The following LIPC variants were observed in gnomAD, a reference collection of about 807,000 sequenced individuals.
LIPC encodes lipase C, hepatic type.
In LIPC, 44 loss-of-function variants were observed where a neutral mutation model predicts 50.7. The ratio of observed to expected loss-of-function variants is 0.87; its 90% confidence interval spans 0.68 to 1.11. LIPC has a LOEUF of 1.11. LIPC is among the 50% of genes most tolerant of loss of function. The pLI is 0.00. For synonymous variants in LIPC, 271 were observed against 256.4 expected (o/e 1.06, Z -0.54); for missense variants, 697 against 648.2 (o/e 1.08, Z -0.82).
chr15:58,433,165 C>G (rs1355445798), intron 1 of LIPC, among the ~76,000 whole-genome samples: 7 of 152,096 alleles, frequency 4.6e-5, no homozygotes, highest in Non-Finnish European at 7.4e-5. Context: ...CAAAAATGAC[C>G]CTTACATAAT....
rs1894342527 is a variant in LIPC, at chr15:58,461,364, C to T, written c.88+29244C>T. 2.6e-5 allele frequency among the ~76,000 whole-genome samples: 4 copies of T among 152,132 alleles called. No individual in the cohort carries two copies. The South Asian group carries it at 8.3e-4, about 32-fold the overall frequency. ...TTGCCCAAAGTCACAAAGCTGGCAA[C>T]TCCCAGAGCCAGGATTTGAACACAG... On this transcript the variant is annotated intron_variant, in intron 1 of 8. Coordinates refer to ENST00000299022, the MANE Select transcript of LIPC (RefSeq NM_000236.3).
intron 6 of LIPC, among the ~76,000 whole-genome samples, chr15:58,554,792 T>C (rs1181755005): frequency 2.0e-5 from 3 of 152,172 alleles, no homozygotes; most frequent in African/African-American, 7.2e-5. Flanking sequence ...CAGGAACCAG[T>C]TCTCAGCCTG....
rs956939187 is a variant in LIPC at position 58,489,152 on chromosome 15, G to A, written c.89-49181G>A. Among the ~76,000 whole-genome samples the A allele has an allele frequency of 6.4e-5, 9 of 140,812 alleles. No homozygotes were observed. In the East Asian group the frequency reaches 1.8e-3, roughly 28 times the overall value. The allele number at this position is 140,812 out of a possible 152,430, so 92.4% of individuals were successfully genotyped here. A position where few individuals can be genotyped will look rare whatever the true frequency, so the allele number is the denominator to read the frequency against. ...GGTAGTATTTGAATAGCACCAGAAA[G>A]TTTCACCTCTCCAAAGCATCTTTCT... On this transcript the variant is annotated intron_variant, in intron 1 of 8. Coordinates refer to ENST00000299022, the MANE Select transcript of LIPC (RefSeq NM_000236.3).
At chr15:58,558,820 T>C (rs1183061748) in intron 6 of LIPC, among the ~76,000 whole-genome samples, 1 of 152,206 alleles carries the variant, frequency 6.6e-6, no homozygotes, top group East Asian at 1.9e-4. Context: ...CTAGCTCTTA[T>C]CTAAAGCAGA....
chr15:58,437,672 A>C (rs1333747278), intron 1 of LIPC, among the ~76,000 whole-genome samples: 1 of 152,074 alleles, frequency 6.6e-6, no homozygotes, highest in Admixed American at 6.5e-5. Context: ...CCACACTCAA[A>C]ATCACTACCC....
At chr15:58,478,614 G>C (rs1056614000) in intron 1 of LIPC, among the ~76,000 whole-genome samples, 1 of 152,264 alleles carries the variant, frequency 6.6e-6, no homozygotes, top group Middle Eastern at 3.4e-3. Context: ...TTTCATAGAG[G>C]AGGTAATTAG....
intron 1 of LIPC, among the ~76,000 whole-genome samples, chr15:58,477,727 C>T (rs1891047005): frequency 6.6e-6 from 1 of 152,114 alleles, no homozygotes; most frequent in African/African-American, 2.4e-5. Context: ...TCCTGCTTGC[C>T]TTAATTTAAG....
chr15:58,533,265 T>C (rs1225802459), intron 1 of LIPC: 1 of 657,496 alleles, frequency 1.5e-6, no homozygotes, highest in Non-Finnish European at 1.9e-6. Flanking sequence ...AGCATATCCT[T>C]TCCTCACAGC....
chr15:58,494,533 G>T (rs755507188), intron 1 of LIPC, among the ~76,000 whole-genome samples: 1 of 152,216 alleles, frequency 6.6e-6, no homozygotes, highest in African/African-American at 2.4e-5. Flanking sequence ...TGAACAAAGG[G>T]AAGTATGCTG....
At chr15:58,461,046 G>A (rs1216030176) in intron 1 of LIPC, among the ~76,000 whole-genome samples, 2 of 152,194 alleles carry the variant, frequency 1.3e-5, no homozygotes, top group African/African-American at 2.4e-5. Context: ...TTGAAGATGT[G>A]CAGAAACCCA....
At chr15:58,444,274 T>A (rs964343843) in intron 1 of LIPC, among the ~76,000 whole-genome samples, 9 of 152,166 alleles carry the variant, frequency 5.9e-5, no homozygotes, top group Admixed American at 2.6e-4. Flanking sequence ...AAGAAGGCAC[T>A]CGTGAGTGAG....
At chr15:58,537,453 G>A (rs942944665) in intron 1 of LIPC, among the ~76,000 whole-genome samples, 8 of 152,170 alleles carry the variant, frequency 5.3e-5, no homozygotes, top group East Asian at 1.9e-4. Flanking sequence ...GAAAGCCTCC[G>A]AATGGACATT....
At chr15:58,523,611 T>TA (rs1892717648) in intron 1 of LIPC, among the ~76,000 whole-genome samples, 1 of 151,214 alleles carries the variant, frequency 6.6e-6, no homozygotes, top group South Asian at 2.1e-4. Flanking sequence ...AGCTGGGATT[T>TA]TTTTTTTATT....
At chr15:58,440,524 G>C (rs577074114) in intron 1 of LIPC, among the ~76,000 whole-genome samples, 1 of 152,232 alleles carries the variant, frequency 6.6e-6, no homozygotes, top group Admixed American at 6.5e-5. Context: ...CAGTAGGAAA[G>C]TATATCCCTG....
intron 1 of LIPC, among the ~76,000 whole-genome samples, chr15:58,448,395 C>T (rs779183805): frequency 2.6e-5 from 4 of 152,252 alleles, no homozygotes; most frequent in Non-Finnish European, 5.9e-5. Flanking sequence ...GGCTCACCTA[C>T]AGTCTTCCTC....
chr15:58,561,195 C>T (rs1894151372), intron 7 of LIPC, among the ~76,000 whole-genome samples: 1 of 152,190 alleles, frequency 6.6e-6, no homozygotes, highest in Non-Finnish European at 1.5e-5. Flanking sequence ...TCCTGGTGAC[C>T]TGTATCCAAG....
chr15:58,458,134 C>T (rs1026163722), intron 1 of LIPC, among the ~76,000 whole-genome samples: 3 of 150,586 alleles, frequency 2.0e-5, no homozygotes, highest in African/African-American at 7.3e-5. Flanking sequence ...CACCTGTTTC[C>T]GTTTTTTTAC....
chr15:58,545,532 T>C (rs1162738042), intron 4 of LIPC, among the ~76,000 whole-genome samples: 1 of 152,222 alleles, frequency 6.6e-6, no homozygotes, highest in Non-Finnish European at 1.5e-5. Flanking sequence ...CGCTAGCTAA[T>C]GCCCAGCCTG....
chr15:58,432,368 G>C, intron 1 of LIPC: 1 of 545,278 alleles, frequency 1.8e-6, no homozygotes, highest in East Asian at 3.2e-5. Flanking sequence ...GAAGTCTCTT[G>C]CGTATCTGAT....
Sources: gnomAD v4.1 joint callset for allele counts (sites outside exome capture counted in the v4.1 genomes callset) on GRCh38, gnomAD v4.1.1 for gene constraint, MANE v1.5 for transcripts, NCBI Gene and HGNC (gene_info 2026-07-23, HGNC 2026-07-21) for gene names.